HHLA2: variants seen among roughly 807,000 people sequenced by gnomAD.
HHLA2 encodes HHLA2 member of B7 family.
Under a neutral mutation model 45.9 loss-of-function variants are expected in HHLA2, and 48 were observed. That is an observed-to-expected ratio of 1.05 (90% CI 0.83 to 1.33). The LOEUF is 1.33. Among genes scored for constraint, HHLA2 ranks in the 40% most tolerant of loss-of-function variants. The pLI, the probability that HHLA2 is intolerant of heterozygous loss-of-function variation, is 0.00. For synonymous variants in HHLA2, 161 were observed against 173.9 expected (o/e 0.93, Z 0.59); for missense variants, 462 against 494.3 (o/e 0.93, Z 0.62).
At chr3:108,342,690 C>G (rs1454386970) in intron 3 of HHLA2, among the ~76,000 whole-genome samples, 3 of 152,182 alleles carry the variant, frequency 2.0e-5, no homozygotes, top group African/African-American at 4.8e-5. Flanking sequence ...GGACATCTTT[C>G]CAGCATTTTC....
chr3:108,371,557 C>G (rs1223389180), intron 8 of HHLA2, among the ~76,000 whole-genome samples: 1 of 152,174 alleles, frequency 6.6e-6, no homozygotes, highest in Non-Finnish European at 1.5e-5. Flanking sequence ...CAAGACCCAT[C>G]AGTGTGCTGT....
intron 2 of HHLA2, among the ~76,000 whole-genome samples, chr3:108,315,297 A>G (rs1337470638): frequency 2.0e-5 from 3 of 152,090 alleles, no homozygotes; most frequent in Non-Finnish European, 4.4e-5. Flanking sequence ...CTATCAGAGA[A>G]CCCTCAGATA....
At chr3:108,352,644 G>A (rs2081801585) in intron 4 of HHLA2, among the ~76,000 whole-genome samples, 1 of 152,160 alleles carries the variant, frequency 6.6e-6, no homozygotes, top group African/African-American at 2.4e-5. Flanking sequence ...AAGTGTCTGG[G>A]TATATTTTCT....
chr3:108,343,201 A>G (rs1027892234), intron 3 of HHLA2, among the ~76,000 whole-genome samples: 4 of 152,170 alleles, frequency 2.6e-5, no homozygotes, highest in Non-Finnish European at 5.9e-5. Flanking sequence ...GTTTCTCAGA[A>G]CTTGAACCTT....
intron 5 of HHLA2, 115 bp downstream of exon 4, chr3:108,353,895 ACTT>A: frequency 1.4e-6 from 1 of 734,684 alleles, no homozygotes; most frequent in South Asian, 1.9e-5. Flanking sequence ...ATGGAAATCT[ACTT>A]ATTTTTAACG....
At chr3:108,378,059 G>A (rs542105620) in exon 11 of HHLA2, 5 of 152,120 alleles carry the variant, frequency 3.3e-5, no homozygotes, top group African/African-American at 4.8e-5. Flanking sequence ...CCTTAAGAAG[G>A]TACTTTGTAA....
At chr3:108,370,742 A>T (rs544139640) in intron 8 of HHLA2, among the ~76,000 whole-genome samples, 5 of 152,328 alleles carry the variant, frequency 3.3e-5, no homozygotes, top group African/African-American at 1.2e-4. Flanking sequence ...GGAAGATGAC[A>T]TGAATGAAAC....
chr3:108,324,590 G>A (rs1347498030), intron 2 of HHLA2, among the ~76,000 whole-genome samples: 1 of 152,126 alleles, frequency 6.6e-6, no homozygotes, highest in Non-Finnish European at 1.5e-5. Flanking sequence ...CTCTGTCAAA[G>A]GAAAATACTT....
intron 2 of HHLA2, among the ~76,000 whole-genome samples, chr3:108,321,091 T>TAAAAAAAAAAAAA (rs67374827): frequency 5.9e-5 from 6 of 101,418 alleles, no homozygotes; most frequent in South Asian, 3.8e-4. Context: ...TCCAGGTGTT[T>TAAAAAAAAAAAAA]AAAAAAAAAA....
At chr3:108,371,997 C>T (rs1018987159) in intron 8 of HHLA2, among the ~76,000 whole-genome samples, 1 of 152,228 alleles carries the variant, frequency 6.6e-6, no homozygotes, top group Non-Finnish European at 1.5e-5. Flanking sequence ...CTACAGAACT[C>T]TCCACCCCAA....
At chr3:108,296,804 T>C (rs943917114) in intron 1 of HHLA2, among the ~76,000 whole-genome samples, 1 of 152,236 alleles carries the variant, frequency 6.6e-6, no homozygotes, top group Non-Finnish European at 1.5e-5. Context: ...TGAAGGAACA[T>C]GCTGATATAT....
chr3:108,327,411 C>T (rs375785420), intron 2 of HHLA2, among the ~76,000 whole-genome samples: 2 of 152,154 alleles, frequency 1.3e-5, no homozygotes, highest in South Asian at 2.1e-4. Context: ...AATTCCTACA[C>T]ATTCTCCTTT....
At chr3:108,298,472 C>T (rs778712570) in intron 1 of HHLA2, among the ~76,000 whole-genome samples, 4 of 152,226 alleles carry the variant, frequency 2.6e-5, no homozygotes, top group African/African-American at 9.6e-5. Context: ...TTAGCCCCAA[C>T]TAAAGTTTCC....
At chr3:108,344,849 A>G in intron 3 of HHLA2, among the ~76,000 whole-genome samples, 1 of 152,200 alleles carries the variant, frequency 6.6e-6, no homozygotes, top group East Asian at 1.9e-4. Context: ...CACTCTGTCT[A>G]GCTATATTCT....
chr3:108,320,868 T>C (rs1308056533), intron 2 of HHLA2, among the ~76,000 whole-genome samples: 3 of 151,990 alleles, frequency 2.0e-5, no homozygotes, highest in Non-Finnish European at 4.4e-5. Context: ...ACTAACCACG[T>C]GATCAGTGGG....
At chr3:108,339,746 C>G (rs1335880936) in intron 3 of HHLA2, among the ~76,000 whole-genome samples, 1 of 152,078 alleles carries the variant, frequency 6.6e-6, no homozygotes, top group Non-Finnish European at 1.5e-5. Context: ...TTTTTACTTA[C>G]GTGGTCTGCT....
intron 2 of HHLA2, among the ~76,000 whole-genome samples, chr3:108,324,074 T>G (rs994091252): frequency 6.6e-6 from 1 of 152,214 alleles, no homozygotes; most frequent in African/African-American, 2.4e-5. Flanking sequence ...ATGGTAACCC[T>G]ACTTTGTCTT....
At chr3:108,348,835 T>A (rs2081720882) in intron 3 of HHLA2, among the ~76,000 whole-genome samples, 1 of 151,662 alleles carries the variant, frequency 6.6e-6, no homozygotes, top group Non-Finnish European at 1.5e-5. Context: ...TGTGTGATGT[T>A]CCCCTCCCTG....
intron 2 of HHLA2, chr3:108,326,911 C>G (rs2081299490): frequency 6.6e-6 from 1 of 152,176 alleles, no homozygotes; most frequent in Non-Finnish European, 1.5e-5. Context: ...ATATTCATAG[C>G]TCTTCATCCC....
Sources: gnomAD v4.1 joint callset for allele counts (sites outside exome capture counted in the v4.1 genomes callset) on GRCh38, gnomAD v4.1.1 for gene constraint, MANE v1.5 for transcripts, NCBI Gene and HGNC (gene_info 2026-07-23, HGNC 2026-07-21) for gene names.